Variants in MCRIP2 observed in about 807,000 individuals in gnomAD.
MCRIP2 encodes MAPK regulated co-repressor interacting protein 2.
Under a neutral mutation model 23.2 loss-of-function variants are expected in MCRIP2, and 21 were observed. The ratio of observed to expected loss-of-function variants is 0.90; its 90% CI spans 0.64 to 1.30. The LOEUF (loss-of-function observed/expected upper bound fraction) is 1.30, where lower values mean the gene tolerates loss of function less well. MCRIP2 is among the 50% of genes most tolerant of loss of function. MCRIP2 has a pLI of 0.00. For missense variants in MCRIP2, 234 were observed against 223.2 expected (o/e 1.05, Z -0.31); for synonymous variants, 121 against 100.2 (o/e 1.21, Z -1.24).
chr16:643,358 T>A (rs2037398003), intron 2 of MCRIP2, among the ~76,000 whole-genome samples: 1 of 151,648 alleles, frequency 6.6e-6, no homozygotes, highest in South Asian at 2.1e-4. Context: ...GGTGACGCCG[T>A]CTCTCTTAAC....
At position 647,805 on chromosome 16, in the gene MCRIP2, G is replaced by T. The variant is rs868184520; in HGVS notation, c.333G>T (p.Gln111His). ...CAGCCTGGCAGCAGGTGCAACAGCA[G>T]CTGGATGGTGGCCCAGCCGGTGAGG... ...VSEAWQQVQQ[Q>H]LDGGPAGEGG... The change falls in exon 4 of 5, where the codon CAG becomes CAT. Residue 111 changes from glutamine (Q) to histidine (H), a missense_variant. Physicochemically the swap from Gln to His is conservative, Grantham distance 24. Coordinates refer to ENST00000307650, the MANE Select transcript of MCRIP2 (RefSeq NM_138418.4). 1.3e-6 allele frequency: 2 copies of T among 1,573,006 alleles called. No homozygotes were observed. Among genetic ancestry groups the T allele is most frequent in the East Asian group, 2.3e-5 (1 of 42,716 alleles).
At chr16:645,445 CAG>C (rs1160606724) in intron 2 of MCRIP2, 3 of 151,754 alleles carry the variant, frequency 2.0e-5, no homozygotes, top group Non-Finnish European at 4.4e-5. Flanking sequence ...TTAGTAGAGA[CAG>C]AGTTTCACCA....
Position 647,868 on chromosome 16 carries a change from C to A in MCRIP2, c.396C>A (p.Pro132=). 1 of 1,554,556 alleles carries A rather than the reference C, an allele frequency of 6.4e-7. No individual in the cohort carries two copies. The highest frequency in any genetic ancestry group is 2.4e-5 in the East Asian group (1 of 41,776). ...PRPVQYVERT[P]NPRLQNFVPI... ...CTGTGCAGTACGTGGAGAGGACCCC[C>A]AATCCCCGGCTGCAGAGTGAGCCCC... Residue 132 remains proline, a synonymous_variant, in exon 4 of 5, where the codon CCC becomes CCA. Transcript: ENST00000307650.
At chr16:642,823 C>T (rs1008028371) in intron 2 of MCRIP2, 1 of 152,282 alleles carries the variant, frequency 6.6e-6, no homozygotes, top group Admixed American at 6.5e-5. Flanking sequence ...GTGGCCTCCC[C>T]GTGACCATGA....
At chr16:647,736 A>T (rs2037526223) in intron 3 of MCRIP2, 47 bp from the exon 4 acceptor site, 1 of 1,530,782 alleles carries the variant, frequency 6.5e-7, no homozygotes, top group African/African-American at 1.4e-5. Context: ...TGGGTGGGCG[A>T]TGGGGTGCCT....
chr16:647,568 C>A (rs757258982), intron 3 of MCRIP2, 24 bp downstream of exon 3: 1 of 1,609,518 alleles, frequency 6.2e-7, no homozygotes, highest in Non-Finnish European at 8.5e-7. Flanking sequence ...CCAGAGGGTG[C>A]GGCATAGGCT....
chr16:644,342 G>A (rs949496737), intron 2 of MCRIP2, among the ~76,000 whole-genome samples: 1 of 151,860 alleles, frequency 6.6e-6, no homozygotes, highest in Non-Finnish European at 1.5e-5. Flanking sequence ...CGGCCTCCCA[G>A]AGTGCTGGGA....
chr16:643,401 C>T (rs2037399324), intron 2 of MCRIP2, among the ~76,000 whole-genome samples: 1 of 152,100 alleles, frequency 6.6e-6, no homozygotes. Context: ...CTCTCCAAGA[C>T]CCCACTGCTA....
chr16:647,555 G>C lies in MCRIP2; in HGVS notation c.310+11G>C, dbSNP rs763150954. The C allele has an allele frequency of 6.2e-7, 1 of 1,612,646 alleles. No individual in the cohort carries two copies. The highest frequency in any genetic ancestry group is 2.2e-5 in the East Asian group (1 of 44,842). Reference sequence around the variant, plus strand: ...GCTTTGTGTCCGAAGGTAGCGAGCGGGGCCAGAGGGTGCGGCATAGGCTGC... The same window carrying C: ...GCTTTGTGTCCGAAGGTAGCGAGCGCGGCCAGAGGGTGCGGCATAGGCTGC... On this transcript the variant is annotated intron_variant, in intron 3 of 4. Transcript: ENST00000307650.
At chr16:644,135 GCAATGGCA>G (rs1409999508) in intron 2 of MCRIP2, among the ~76,000 whole-genome samples, 16 of 151,978 alleles carry the variant, frequency 1.1e-4, no homozygotes, top group Non-Finnish European at 2.1e-4. Context: ...AGGCTGGAGT[GCAATGGCA>G]GGATCTCCGC....
chr16:647,785 T>C lies in MCRIP2; in HGVS notation c.313T>C (p.Trp105Arg). 1.3e-6 allele frequency: 2 copies of C among 1,562,692 alleles called. No individual in the cohort carries two copies. The highest frequency in any genetic ancestry group is 1.7e-6 in the Non-Finnish European group (2 of 1,154,376). ...GCCCGACTGCCCTCCTCCCACAGCC[T>C]GGCAGCAGGTGCAACAGCAGCTGGA... ...EENVRFVSEA[W>R]QQVQQQLDGG... The change falls in exon 4 of 5, where the codon TGG becomes CGG. Residue 105 changes from tryptophan (W) to arginine (R), a missense_variant and splice_region_variant. Coordinates refer to ENST00000307650, the MANE Select transcript of MCRIP2 (RefSeq NM_138418.4).
At position 641,964 on chromosome 16, in the gene MCRIP2, G is replaced by C. The variant is rs1410797664; in HGVS notation, c.-28G>C. ...GCGCAGGGGCCGGATCTGGCCGGGG[G>C]CCGGCGGCGGTGTGGGAGCGGCGCG... is the stretch of plus-strand genomic sequence containing the variant. On this transcript the variant is annotated 5_prime_UTR_variant, in exon 1 of 5. Transcript: ENST00000307650. The C allele has an allele frequency of 1.5e-6, 2 of 1,306,140 alleles. No individual in the cohort carries two copies. Among genetic ancestry groups the C allele is most frequent in the Non-Finnish European group, 1.9e-6 (2 of 1,029,488 alleles). 80.9% of individuals were successfully genotyped at this position (1,306,140 alleles called of 1,614,324 possible).
At chr16:647,362 G>A (rs1179231194) in intron 2 of MCRIP2, 55 bp from the exon 3 acceptor site, 19 of 1,600,664 alleles carry the variant, frequency 1.2e-5, no homozygotes, top group Non-Finnish European at 1.5e-5. Flanking sequence ...GTTCTGCCAG[G>A]CAGCACCGCA....
Position 642,172 on chromosome 16 carries a change from G to C in MCRIP2, c.105G>C (p.Arg35=). Residue 35 remains arginine, a synonymous_variant, in exon 2 of 5, where the codon CGG becomes CGC. Coordinates refer to ENST00000307650, the MANE Select transcript of MCRIP2 (RefSeq NM_138418.4). ...EGRLGELLKC[R]QPAPPTSQPP... is the part of the protein sequence containing the mutation. Reference sequence around the variant, plus strand: ...GGCTCGGCGAGCTCCTGAAATGCCGGCAGCCCGCGCCGCCGACCTCGCAGC... The same window carrying C: ...GGCTCGGCGAGCTCCTGAAATGCCGCCAGCCCGCGCCGCCGACCTCGCAGC... 1 of 1,348,724 alleles carries C rather than the reference G, an allele frequency of 7.4e-7. No individual in the cohort carries two copies. The allele number at this position is 1,348,724 out of a possible 1,614,324, so 83.5% of individuals were successfully genotyped here. A position where few individuals can be genotyped will look rare whatever the true frequency, so the allele number is the denominator to read the frequency against.
rs1012104943 is a variant in MCRIP2, at chr16:642,057, GGGGAAC to G, written c.52+24_52+29del. ...AGCGCCGCACAGGTGCGCACGGGCC[GGGGAAC>G]GGGAACGGGGACGGGGCGGGGCGCG... On this transcript the variant is annotated intron_variant, in intron 1 of 4. Transcript: ENST00000307650. 114 of 1,319,568 alleles carry G rather than the reference GGGGAAC, an allele frequency of 8.6e-5. No homozygotes were observed. The highest frequency in any genetic ancestry group is 1.6e-4 in the South Asian group (8 of 49,168). The allele number at this position is 1,319,568 out of a possible 1,614,324, so 81.7% of individuals were successfully genotyped here.
In MCRIP2 at chr16:646,605, G is replaced by T. The variant is rs570146622; in HGVS notation, c.183-812G>T. 1 of 152,328 alleles carries T rather than the reference G, an allele frequency of 6.6e-6. No homozygotes were observed. The highest frequency in any genetic ancestry group is 2.1e-4 in the South Asian group (1 of 4,824). The allele number at this position is 152,328 out of a possible 1,614,324, so 9.4% of individuals were successfully genotyped here. A position where few individuals can be genotyped will look rare whatever the true frequency, so the allele number is the denominator to read the frequency against. ...GGACTCCCGGCTCCCACCTCCGGCT[G>T]TAGGTGCGGCCCCATTCCCTCCACG... is the stretch of plus-strand genomic sequence containing the variant. On this transcript the variant is annotated intron_variant, in intron 2 of 4. Transcript: ENST00000307650. This position sits in a 1 kb window ranked among gnomAD's most constrained non-coding sequence, Gnocchi z 6.5.
rs191707094 is a variant in MCRIP2 at position 647,038 on chromosome 16, C to T, written c.183-379C>T. On this transcript the variant is annotated intron_variant, in intron 2 of 4. Coordinates refer to ENST00000307650, the MANE Select transcript of MCRIP2 (RefSeq NM_138418.4). Reference sequence around the variant, plus strand: ...AGAGAGACATGGTCATGGACTGGGTCGTGGCTCAGGTCAGAATCTGGGCTG... The same window carrying T: ...AGAGAGACATGGTCATGGACTGGGTTGTGGCTCAGGTCAGAATCTGGGCTG... 21 of 260,328 alleles carry T rather than the reference C, an allele frequency of 8.1e-5. 1 individual carries two copies. Among genetic ancestry groups the T allele is most frequent in the Non-Finnish European group, 1.4e-4 (19 of 133,878 alleles). The allele number at this position is 260,328 out of a possible 1,614,324, so 16.1% of individuals were successfully genotyped here. A position where few individuals can be genotyped will look rare whatever the true frequency, so the allele number is the denominator to read the frequency against.
At position 648,270 on chromosome 16, in the gene MCRIP2, C is replaced by G. The variant is rs186832163; in HGVS notation, c.*80C>G. 529 of 1,401,290 alleles carry G rather than the reference C, an allele frequency of 3.8e-4. 4 individuals carry two copies. The East Asian group carries it at 0.011, about 30-fold the overall frequency. The allele number at this position is 1,401,290 out of a possible 1,614,324, so 86.8% of individuals were successfully genotyped here. ...ATGGCGCCCTGCCCACCCACTGCGC[C>G]TGGCTGGGTGCCGGCCACACCTGAA... On this transcript the variant is annotated 3_prime_UTR_variant, in exon 5 of 5. Coordinates refer to ENST00000307650, the MANE Select transcript of MCRIP2 (RefSeq NM_138418.4).
rs74000889 is a variant in MCRIP2, at chr16:646,015, C to T, written c.183-1402C>T. The T allele has an allele frequency of 6.6e-6, 1 of 152,268 alleles. No individual in the cohort carries two copies. The highest frequency in any genetic ancestry group is 1.5e-5 in the Non-Finnish European group (1 of 68,090). 9.4% of individuals were successfully genotyped at this position (152,268 alleles called of 1,614,324 possible). A position where few individuals can be genotyped will look rare whatever the true frequency, so the allele number is the denominator to read the frequency against. On this transcript the variant is annotated intron_variant, in intron 2 of 4. Transcript: ENST00000307650. This position sits in a 1 kb window ranked among gnomAD's most constrained non-coding sequence, Gnocchi z 6.5. ...GCTGAAGTTTGCCCGGAGCAGTGTCCCTGGAAGTGGGAGAGGTTGGCGGTG... is the reference window on the plus strand; with the variant it reads ...GCTGAAGTTTGCCCGGAGCAGTGTCTCTGGAAGTGGGAGAGGTTGGCGGTG...
Sources: allele counts gnomAD v4.1 joint callset (sites outside exome capture counted in the v4.1 genomes callset), GRCh38; gene constraint gnomAD v4.1.1; non-coding constraint Gnocchi (gnomAD v3.1); transcripts MANE v1.5; gene names NCBI Gene and HGNC (gene_info 2026-07-23, HGNC 2026-07-21).